DPF3: variants seen among roughly 807,000 people sequenced by gnomAD.
DPF3 encodes zinc finger protein DPF3.
A neutral mutation model predicts 56.8 loss-of-function variants in DPF3; 18 were observed. The observed-to-expected ratio is 0.32, with a 90% confidence interval of 0.22 to 0.47. The LOEUF (loss-of-function observed/expected upper bound fraction) is 0.47. Among genes scored for constraint, DPF3 ranks in the 20% least tolerant of loss-of-function variants. DPF3 has a pLI of 1.00. For missense variants in DPF3, 403 were observed against 488.8 expected (o/e 0.82, Z 1.65); for synonymous variants, 188 against 180.2 (o/e 1.04, Z -0.35).
intron 8 of DPF3, among the ~76,000 whole-genome samples, chr14:72,648,596 C>T (rs766711925): frequency 4.0e-5 from 6 of 149,768 alleles, no homozygotes; most frequent in Non-Finnish European, 7.4e-5. Flanking sequence ...AAGAATAAAA[C>T]GATCGCATCT....
chr14:72,885,661 C>A (rs1349367841), intron 1 of DPF3, among the ~76,000 whole-genome samples: 1 of 152,070 alleles, frequency 6.6e-6, no homozygotes, highest in Non-Finnish European at 1.5e-5. Flanking sequence ...CCTCAGCCTC[C>A]CAAAGTGCTA....
At chr14:72,644,546 G>A (rs571684980) in intron 8 of DPF3, among the ~76,000 whole-genome samples, 4 of 152,282 alleles carry the variant, frequency 2.6e-5, no homozygotes, top group East Asian at 3.9e-4. Flanking sequence ...CAAATCAATG[G>A]CTATTTCCAG....
chr14:72,873,330 C>T (rs1393477909), intron 1 of DPF3, among the ~76,000 whole-genome samples: 2 of 152,238 alleles, frequency 1.3e-5, no homozygotes, highest in Non-Finnish European at 2.9e-5. Context: ...CAATGCTCAT[C>T]ATCACTGGCC....
chr14:72,719,613 C>T (rs903205964), intron 5 of DPF3, among the ~76,000 whole-genome samples: 5 of 152,280 alleles, frequency 3.3e-5, no homozygotes, highest in African/African-American at 1.2e-4. Flanking sequence ...GGATGACTCA[C>T]AAGAATCTCA....
At chr14:72,824,551 C>CTTTTTTTTTTTTT (rs375498304) in intron 1 of DPF3, among the ~76,000 whole-genome samples, 4 of 143,242 alleles carry the variant, frequency 2.8e-5, no homozygotes, top group Non-Finnish European at 3.0e-5. Flanking sequence ...TTTTCTTTTT[C>CTTTTTTTTTTTTT]TTTTTTTTTT....
intron 9 of DPF3, among the ~76,000 whole-genome samples, chr14:72,622,498 A>G (rs1304925775): frequency 6.6e-6 from 1 of 152,216 alleles, no homozygotes; most frequent in Admixed American, 6.5e-5. Context: ...CAGTGTTATT[A>G]ATGCCTTAAA....
At chr14:72,638,966 G>A (rs781677373) in intron 8 of DPF3, among the ~76,000 whole-genome samples, 15 of 151,968 alleles carry the variant, frequency 9.9e-5, no homozygotes, top group South Asian at 4.2e-4. Flanking sequence ...ACAGGCGCCC[G>A]CCACCATGCC....
At position 72,714,375 on chromosome 14, in the gene DPF3, G is replaced by A. The variant is rs1281053801; in HGVS notation, c.604+48C>T. The A allele has an allele frequency of 4.4e-6, 7 of 1,603,428 alleles. No individual in the cohort carries two copies. The East Asian group carries it at 1.3e-4, about 31-fold the overall frequency. Reference sequence around the variant, plus strand: ...GGAAGCACAGGGAAGAGGGGCCCTGGGGGCAGGCGCACAGGGAGGAAGGAA... The same window carrying A: ...GGAAGCACAGGGAAGAGGGGCCCTGAGGGCAGGCGCACAGGGAGGAAGGAA... On this transcript the variant is annotated intron_variant, in intron 6 of 10. Coordinates refer to ENST00000556509, the MANE Select transcript of DPF3 (RefSeq NM_001280542.3).
intron 1 of DPF3, among the ~76,000 whole-genome samples, chr14:72,784,522 T>C (rs1892128519): frequency 1.3e-5 from 2 of 152,178 alleles, no homozygotes; most frequent in South Asian, 4.1e-4. Flanking sequence ...TCCCCCACTA[T>C]ACTTATTTTC....
At chr14:72,795,277 CAAAAAAAAA>C (rs578053636) in intron 1 of DPF3, among the ~76,000 whole-genome samples, 2 of 109,540 alleles carry the variant, frequency 1.8e-5, no homozygotes, top group African/African-American at 3.5e-5. Flanking sequence ...CTCTTTTTGA[CAAAAAAAAA>C]AAAAAAAAAA....
intron 8 of DPF3, chr14:72,671,115 CAG>C (rs762268295): frequency 1.3e-5 from 21 of 1,612,608 alleles, no homozygotes; most frequent in African/African-American, 8.0e-5. Context: ...GCTAATTGCC[CAG>C]AGAGTCTGTT....
chr14:72,702,288 C>T (rs552037232), intron 6 of DPF3, among the ~76,000 whole-genome samples: 7 of 152,114 alleles, frequency 4.6e-5, no homozygotes, highest in South Asian at 2.1e-4. Context: ...AAGAAAAACA[C>T]GTGGGGACTT....
At chr14:72,654,578 A>G (rs1177106671) in intron 8 of DPF3, among the ~76,000 whole-genome samples, 1 of 152,126 alleles carries the variant, frequency 6.6e-6, no homozygotes, top group African/African-American at 2.4e-5. Context: ...ACCAGCAATC[A>G]CCACTGCCTT....
chr14:72,789,890 C>G (rs1256539620), intron 1 of DPF3, among the ~76,000 whole-genome samples: 1 of 152,202 alleles, frequency 6.6e-6, no homozygotes, highest in African/African-American at 2.4e-5. Flanking sequence ...CAGGGGGCCT[C>G]CCCCAAACTC....
chr14:72,788,617 TC>T (rs2139977784), intron 1 of DPF3, among the ~76,000 whole-genome samples: 1 of 152,200 alleles, frequency 6.6e-6, no homozygotes, highest in African/African-American at 2.4e-5. Context: ...AGGATTCTAG[TC>T]AATTCCATCC....
chr14:72,887,064 A>G (rs891022816), intron 1 of DPF3, among the ~76,000 whole-genome samples: 2 of 151,896 alleles, frequency 1.3e-5, no homozygotes, highest in Non-Finnish European at 2.9e-5. Flanking sequence ...GATAGGTGCC[A>G]TGGTAGAGGA....
At chr14:72,780,457 A>C (rs771534496) in intron 1 of DPF3, among the ~76,000 whole-genome samples, 10 of 152,202 alleles carry the variant, frequency 6.6e-5, no homozygotes, top group Non-Finnish European at 1.3e-4. Context: ...GGGAATGTAG[A>C]AGCATGTGAT....
chr14:72,880,703 C>T (rs573396094), intron 1 of DPF3, among the ~76,000 whole-genome samples: 6 of 152,226 alleles, frequency 3.9e-5, no homozygotes, highest in South Asian at 2.1e-4. Context: ...ACTAAAGGCG[C>T]GTGCCACCAC....
intron 1 of DPF3, among the ~76,000 whole-genome samples, chr14:72,866,160 T>C (rs1021870914): frequency 6.6e-6 from 1 of 152,192 alleles, no homozygotes; most frequent in Non-Finnish European, 1.5e-5. Flanking sequence ...GTAATTTAGT[T>C]TGATGGGCTA....
Sources: gnomAD v4.1 joint callset for allele counts (sites outside exome capture counted in the v4.1 genomes callset) on GRCh38, gnomAD v4.1.1 for gene constraint, MANE v1.5 for transcripts, NCBI Gene and HGNC (gene_info 2026-07-23, HGNC 2026-07-21) for gene names.